The following DLG2 variants were observed in gnomAD, a reference collection of about 807,000 sequenced individuals.
DLG2 encodes disks large homolog 2.
DLG2 carries 45 observed loss-of-function variants against 132.5 expected under a neutral mutation model. That is an observed-to-expected ratio of 0.34 (90% CI 0.27 to 0.44). The LOEUF is 0.44. Ranked by LOEUF, DLG2 falls within the 20% of genes least tolerant of loss-of-function variation. DLG2 has a pLI of 1.00. For missense variants in DLG2, 1,045 were observed against 1,196.9 expected, an observed-to-expected ratio of 0.87 and a Z score of 1.87; for synonymous variants, 424 against 419.6, an observed-to-expected ratio of 1.01 and a Z score of -0.13.
At chr11:85,492,818 T>A (rs948389617) in intron 3 of DLG2, among the ~76,000 whole-genome samples, 1 of 152,130 alleles carries the variant, frequency 6.6e-6, no homozygotes, top group African/African-American at 2.4e-5. Flanking sequence ...ACCTGAGGTA[T>A]AATGAGTAGC....
chr11:84,485,800 G>A (rs2099149238), intron 7 of DLG2, among the ~76,000 whole-genome samples: 1 of 152,100 alleles, frequency 6.6e-6, no homozygotes, highest in South Asian at 2.1e-4. Context: ...GTGTTAATCT[G>A]GTTAGGTTAG....
rs143032024 is a variant in DLG2 at position 84,801,895 on chromosome 11, G to T, written c.358-267164C>A. On this transcript the variant is annotated intron_variant, in intron 6 of 27. Transcript: ENST00000376104. ...ATTTGGTATTGAGAACACATCAAAA[G>T]AATTTCCCACGTTCTTTGTTACATC... 2.5e-3 allele frequency among the ~76,000 whole-genome samples: 378 copies of T among 152,274 alleles called. 3 individuals are homozygous for T. Among genetic ancestry groups the T allele is most frequent in the Non-Finnish European group, 4.2e-3 (285 of 68,014 alleles).
intron 11 of DLG2, among the ~76,000 whole-genome samples, chr11:84,033,745 T>G (rs1312565774): frequency 2.0e-5 from 3 of 152,068 alleles, no homozygotes; most frequent in Non-Finnish European, 2.9e-5. Context: ...GTTTTAAAAT[T>G]TGCCACAGCC....
At chr11:85,486,840 A>G (rs1208864738) in intron 3 of DLG2, among the ~76,000 whole-genome samples, 3 of 152,044 alleles carry the variant, frequency 2.0e-5, no homozygotes, top group Non-Finnish European at 4.4e-5. Context: ...GGATCCAAGA[A>G]TTGGCGCTCC....
chr11:84,746,890 C>T (rs763083116), intron 6 of DLG2, among the ~76,000 whole-genome samples: 2 of 152,116 alleles, frequency 1.3e-5, no homozygotes, highest in Non-Finnish European at 2.9e-5. Context: ...TTCTAGACTT[C>T]ACCTCCATGT....
chr11:84,504,924 T>C (rs1026165201), intron 7 of DLG2, among the ~76,000 whole-genome samples: 1 of 152,122 alleles, frequency 6.6e-6, no homozygotes, highest in Non-Finnish European at 1.5e-5. Flanking sequence ...TGCATACAAC[T>C]ATATATAACA....
At chr11:84,444,109 G>A (rs1319920794) in intron 7 of DLG2, among the ~76,000 whole-genome samples, 1 of 151,902 alleles carries the variant, frequency 6.6e-6, no homozygotes, top group Non-Finnish European at 1.5e-5. Flanking sequence ...ATTAATGCAG[G>A]AACAGAAAAC....
At chr11:83,838,355 G>A (rs896822292) in intron 16 of DLG2, among the ~76,000 whole-genome samples, 1 of 152,106 alleles carries the variant, frequency 6.6e-6, no homozygotes, top group Non-Finnish European at 1.5e-5. Flanking sequence ...ATGAAATTAT[G>A]AGTAAAATAA....
In DLG2 at chr11:84,909,301, C is replaced by T. The variant is rs549883162; in HGVS notation, c.357+202360G>A. On this transcript the variant is annotated intron_variant, in intron 6 of 27. Coordinates refer to ENST00000376104, the MANE Select transcript of DLG2 (RefSeq NM_001142699.3). ...ATCTTTAAACAGAGGGGTAATGTTT[C>T]CACTCTTTTTAATTATCATAGCTTT... Among the ~76,000 whole-genome samples, 3 of 152,234 alleles carry T rather than the reference C, an allele frequency of 2.0e-5. No individual in the cohort carries two copies. In the East Asian group the frequency reaches 5.8e-4, roughly 29 times the overall value.
chr11:84,246,623 T>C (rs1369709311), intron 8 of DLG2, among the ~76,000 whole-genome samples: 2 of 152,208 alleles, frequency 1.3e-5, no homozygotes, highest in Non-Finnish European at 2.9e-5. Context: ...ATCCATGATA[T>C]TGTGAAGAAG....
intron 16 of DLG2, among the ~76,000 whole-genome samples, chr11:83,843,972 G>A (rs1178384562): frequency 6.6e-6 from 1 of 152,102 alleles, no homozygotes; most frequent in Non-Finnish European, 1.5e-5. Flanking sequence ...ATCTTCAGAG[G>A]ATGAAAATGA....
At chr11:85,082,872 AAAC>A (rs1389254040) in intron 6 of DLG2, among the ~76,000 whole-genome samples, 1 of 151,934 alleles carries the variant, frequency 6.6e-6, no homozygotes, top group Non-Finnish European at 1.5e-5. Flanking sequence ...CAAAACAAAC[AAAC>A]AACAACAAAA....
chr11:83,467,682 G>A (rs560953412), intron 25 of DLG2, among the ~76,000 whole-genome samples: 406 of 150,670 alleles, frequency 2.7e-3, no homozygotes, highest in Non-Finnish European at 4.9e-3. Context: ...CCCAGGAGGT[G>A]GAGGTTGCAG....
intron 11 of DLG2, among the ~76,000 whole-genome samples, chr11:84,010,599 G>C (rs2094836194): frequency 6.6e-6 from 1 of 152,064 alleles, no homozygotes; most frequent in Non-Finnish European, 1.5e-5. Flanking sequence ...ACTGAGTCTG[G>C]CTGATGTGTG....
chr11:84,889,358 G>A lies in DLG2; in HGVS notation c.357+222303C>T, dbSNP rs141607750. Among the ~76,000 whole-genome samples, 400 of 152,182 alleles carry A rather than the reference G, an allele frequency of 2.6e-3. 2 individuals carry two copies. The highest frequency in any genetic ancestry group is 9.4e-3 in the African/African-American group (390 of 41,536). The stretch of plus-strand genomic sequence containing the variant: ...ATCTCTGAAGGCTTCATGGTGAGGG[G>A]GAGATTTAAACTGGGCCTTAACTGA... On this transcript the variant is annotated intron_variant, in intron 6 of 27. Coordinates refer to ENST00000376104, the MANE Select transcript of DLG2 (RefSeq NM_001142699.3).
chr11:85,618,624 G>C (rs1033839428), intron 2 of DLG2, among the ~76,000 whole-genome samples: 2 of 152,154 alleles, frequency 1.3e-5, no homozygotes, highest in African/African-American at 2.4e-5. Flanking sequence ...TGGGGCAAGG[G>C]CTAAAAAACC....
intron 6 of DLG2, among the ~76,000 whole-genome samples, chr11:84,689,280 A>G (rs144051154): frequency 6.2e-4 from 95 of 152,094 alleles, no homozygotes; most frequent in African/African-American, 2.1e-3. Context: ...TAACCATTCT[A>G]CTTAAGTGGG....
chr11:83,616,911 C>A (rs549707813), intron 19 of DLG2, among the ~76,000 whole-genome samples: 1 of 152,054 alleles, frequency 6.6e-6, no homozygotes, highest in East Asian at 1.9e-4. Context: ...CATCCTTTTC[C>A]ACTTCAGAGC....
chr11:84,829,587 C>A (rs981492597), intron 6 of DLG2, among the ~76,000 whole-genome samples: 5 of 151,782 alleles, frequency 3.3e-5, no homozygotes, highest in Admixed American at 3.3e-4. Context: ...ATATTTTAAT[C>A]CTGCTTTAGC....
Sources: gnomAD v4.1 joint callset for allele counts (sites outside exome capture counted in the v4.1 genomes callset) on GRCh38, gnomAD v4.1.1 for gene constraint, MANE v1.5 for transcripts, NCBI Gene and HGNC (gene_info 2026-07-23, HGNC 2026-07-21) for gene names.